NIBAN2: variants seen among roughly 807,000 people sequenced by gnomAD.
The protein encoded by NIBAN2 is niban apoptosis regulator 2, also known as protein Niban 2.
A neutral mutation model predicts 81.8 loss-of-function variants in NIBAN2; 36 were observed. The observed-to-expected ratio is 0.44, with a 90% confidence interval of 0.34 to 0.58. The LOEUF (loss-of-function observed/expected upper bound fraction) is 0.58. Ranked by LOEUF, NIBAN2 falls within the 20% of genes least tolerant of loss-of-function variation. The pLI is 0.02. For synonymous variants in NIBAN2, 445 were observed against 441.6 expected, an observed-to-expected ratio of 1.01 and a Z score of -0.10; for missense variants, 897 against 1,014.1, an observed-to-expected ratio of 0.88 and a Z score of 1.57.
In NIBAN2 at chr9:127,563,480, C is replaced by A. The variant is rs1017919218; in HGVS notation, c.55+5340G>T. On this transcript the variant is annotated intron_variant, in intron 1 of 13. Transcript: ENST00000373312. This position sits in a 1 kb window ranked among gnomAD's most constrained non-coding sequence, Gnocchi z 4.1. ...GGCAGAAGGTGGAACCCCTCCATCC[C>A]TTCACTCTTGGCATCTACAGCCACT... 2.0e-5 allele frequency among the ~76,000 whole-genome samples: 3 copies of A among 151,992 alleles called. No homozygotes were observed. Among genetic ancestry groups the A allele is most frequent in the Non-Finnish European group, 4.4e-5 (3 of 68,032 alleles).
At chr9:127,567,593 G>A (rs1012367649) in intron 1 of NIBAN2, among the ~76,000 whole-genome samples, 10 of 152,204 alleles carry the variant, frequency 6.6e-5, no homozygotes, top group Admixed American at 5.9e-4. Flanking sequence ...TGGAGACATG[G>A]AGTTAAAGGA....
rs544043377 is a variant in NIBAN2 at position 127,520,815 on chromosome 9, C to T, written c.589+2864G>A. The stretch of plus-strand genomic sequence containing the variant: ...AGGAGAATCACTTGAACCTGGGAGG[C>T]GGAGGTTGCAGTGAGCCGAGATTGC... On this transcript the variant is annotated intron_variant, in intron 5 of 13. Transcript: ENST00000373312. 1.2e-4 allele frequency among the ~76,000 whole-genome samples: 18 copies of T among 151,990 alleles called. No individual in the cohort carries two copies. In the East Asian group the frequency reaches 3.3e-3, roughly 28 times the overall value.
chr9:127,515,789 T>C (rs1237773821), intron 8 of NIBAN2, among the ~76,000 whole-genome samples: 5 of 151,948 alleles, frequency 3.3e-5, no homozygotes, highest in Non-Finnish European at 7.4e-5. Flanking sequence ...TGAGCCCAGA[T>C]TGTGCCACTG....
chr9:127,575,790 C>A (rs10987689), intron 1 of NIBAN2, among the ~76,000 whole-genome samples: 120,970 of 151,976 alleles, frequency 0.8, 48,482 homozygotes, highest in African/African-American at 0.88. Context: ...TTGGCTCCCA[C>A]AGTGCTGGGA....
In NIBAN2 at chr9:127,559,280, C is replaced by T. The variant is rs926746523; in HGVS notation, c.55+9540G>A. On this transcript the variant is annotated intron_variant, in intron 1 of 13. Coordinates refer to ENST00000373312, the MANE Select transcript of NIBAN2 (RefSeq NM_022833.4). This position sits in a 1 kb window ranked among gnomAD's most constrained non-coding sequence, Gnocchi z 4.0. The stretch of plus-strand genomic sequence containing the variant: ...GCTCTTCCTTCAACGGCAAGATGGC[C>T]TCCTGCAATGTGGAGGTGCTGCACC... 2.0e-5 allele frequency among the ~76,000 whole-genome samples: 3 copies of T among 152,236 alleles called. No homozygotes were observed. The highest frequency in any genetic ancestry group is 1.9e-4 in the East Asian group (1 of 5,200).
upstream of NIBAN2, among the ~76,000 whole-genome samples, chr9:127,571,973 A>G (rs573347902): frequency 4.6e-5 from 7 of 152,348 alleles, no homozygotes; most frequent in East Asian, 1.2e-3. Flanking sequence ...AAATTTATCA[A>G]ACTGTACAGA....
At chr9:127,575,252 G>A (rs144892270) in intron 1 of NIBAN2, among the ~76,000 whole-genome samples, 1,952 of 145,572 alleles carry the variant, frequency 0.013, 48 homozygotes, top group African/African-American at 0.046. Flanking sequence ...TTTTTGAGAT[G>A]GAGTCTCGCT....
At chr9:127,548,414 A>T (rs1837513461) in intron 1 of NIBAN2, among the ~76,000 whole-genome samples, 1 of 152,060 alleles carries the variant, frequency 6.6e-6, no homozygotes, top group African/African-American at 2.4e-5. Context: ...GGTTGGGAAA[A>T]TCAAGGGCCC....
intron 1 of NIBAN2, among the ~76,000 whole-genome samples, chr9:127,562,703 G>A (rs879287913): frequency 6.6e-6 from 1 of 152,180 alleles, no homozygotes; most frequent in Admixed American, 6.5e-5. Flanking sequence ...GAGATGAATC[G>A]GTCTTCGACA....
chr9:127,535,079 G>A, intron 1 of NIBAN2, among the ~76,000 whole-genome samples: 1 of 152,206 alleles, frequency 6.6e-6, no homozygotes, highest in East Asian at 1.9e-4. Flanking sequence ...CTATCAACGT[G>A]GTCGGCAGGA....
rs371920682 is a variant in NIBAN2 at position 127,531,701 on chromosome 9, G to A, written c.133C>T (p.Arg45Cys). 4.9e-5 allele frequency: 79 copies of A among 1,613,974 alleles called. No homozygotes were observed. The highest frequency in any genetic ancestry group is 6.3e-5 in the Non-Finnish European group (74 of 1,180,042). ...QYGVALFNSM[R>C]HEIEGTGLPQ... ...AGCCCCGTGCCCTCAATCTCATGGC[G>A]CATGCTGTTGAAGAGAGCCACGCCA... Residue 45 changes from arginine to cysteine, a missense_variant, in exon 2 of 14, where the codon CGC becomes TGC. Arg to Cys is a radical substitution (Grantham distance 180). Coordinates refer to ENST00000373312, the MANE Select transcript of NIBAN2 (RefSeq NM_022833.4).
chr9:127,524,901 C>T (rs1040380448), intron 4 of NIBAN2, 157 bp downstream of exon 4: 6 of 602,090 alleles, frequency 1.0e-5, no homozygotes, highest in Admixed American at 3.0e-5. Context: ...TAGGGAGATG[C>T]GAAAGGCAAA....
rs201972811 is a variant in NIBAN2, at chr9:127,523,727, C to T, written c.541G>A (p.Asp181Asn). The T allele has an allele frequency of 1.9e-6, 3 of 1,614,000 alleles. No individual in the cohort carries two copies. Among genetic ancestry groups the T allele is most frequent in the East Asian group, 4.5e-5 (2 of 44,874 alleles). The change falls in exon 5 of 14, where the codon GAC becomes AAC. Residue 181 changes from aspartate (D) to asparagine (N), a missense_variant. By Grantham distance (23) the Asp-to-Asn change is conservative. This residue lies in a region of NIBAN2 where 69 missense variants were observed against 114.7 expected (regional missense o/e 0.60). Transcript: ENST00000373312. ...YFCMMTEAEQDKWQAVLQDCI... is the reference protein window; with the variant it reads ...YFCMMTEAEQNKWQAVLQDCI... ...TCCTGCAGCACAGCCTGCCACTTGTCCTGCTCGGCTTCTGTCATCATGCAG... is the reference window on the plus strand; with the variant it reads ...TCCTGCAGCACAGCCTGCCACTTGTTCTGCTCGGCTTCTGTCATCATGCAG...
upstream of NIBAN2, among the ~76,000 whole-genome samples, chr9:127,569,297 G>C (rs1431038705): frequency 6.6e-6 from 1 of 150,564 alleles, no homozygotes; most frequent in African/African-American, 2.4e-5. Flanking sequence ...CCTCCGGCGG[G>C]CGGGGCACAG....
intron 4 of NIBAN2, 82 bp from the exon 5 acceptor site, chr9:127,523,928 T>A: frequency 6.8e-7 from 1 of 1,481,328 alleles, no homozygotes; most frequent in Non-Finnish European, 9.3e-7. Flanking sequence ...TCCCTTGGCA[T>A]CAGCTCTGAG....
intron 2 of NIBAN2, 93 bp from the exon 3 acceptor site, chr9:127,527,415 G>A (rs1196542972): frequency 9.7e-6 from 12 of 1,236,248 alleles, no homozygotes; most frequent in East Asian, 4.7e-5. Flanking sequence ...GCCTGTGTGC[G>A]CACCCCCTGC....
rs1433625537 is a variant in NIBAN2 at position 127,506,980 on chromosome 9, C to G, written c.2106G>C (p.Leu702=). 2 of 1,601,114 alleles carry G rather than the reference C, an allele frequency of 1.2e-6. No individual in the cohort carries two copies. Among genetic ancestry groups the G allele is most frequent in the Non-Finnish European group, 1.7e-6 (2 of 1,173,422 alleles). Residue 702 remains leucine, a synonymous_variant, in exon 14 of 14, where the codon CTG becomes CTC. Transcript: ENST00000373312. ...SPPASPLQHL[L]PGKAVDLGPP... ...GCCCAAGGTCCACAGCCTTTCCAGG[C>G]AGGAGATGCTGGAGGGGTGAGGCAG...
chr9:127,560,494 G>A (rs553195302), intron 1 of NIBAN2, among the ~76,000 whole-genome samples: 2 of 151,954 alleles, frequency 1.3e-5, no homozygotes, highest in South Asian at 4.2e-4. Flanking sequence ...GCCCTTCCTC[G>A]CCAAGACCAG....
rs1434922835 is a variant in NIBAN2, at chr9:127,507,211, C to G, written c.1875G>C (p.Val625=). ...KRRRAKQVVS[V]VQDEEVGLPF... Reference sequence around the variant, plus strand: ...GCAGCCCCACCTCCTCATCCTGGACCACAGAGACCACCTGCTTGGCGCGCC... The same window carrying G: ...GCAGCCCCACCTCCTCATCCTGGACGACAGAGACCACCTGCTTGGCGCGCC... The change falls in exon 14 of 14, where the codon GTG becomes GTC. Residue 625 remains valine, a synonymous_variant. Coordinates refer to ENST00000373312, the MANE Select transcript of NIBAN2 (RefSeq NM_022833.4). This position sits in a 1 kb window ranked among gnomAD's most constrained non-coding sequence, Gnocchi z 6.8. 6.2e-7 allele frequency: 1 copy of G among 1,612,900 alleles called. No homozygotes were observed.
Sources: allele counts gnomAD v4.1 joint callset (sites outside exome capture counted in the v4.1 genomes callset), GRCh38; gene constraint gnomAD v4.1.1; regional missense constraint gnomAD v4.1.1; non-coding constraint Gnocchi (gnomAD v3.1); transcripts MANE v1.5; gene names NCBI Gene and HGNC (gene_info 2026-07-23, HGNC 2026-07-21).